The following ITIH2 variants were observed in gnomAD, a reference collection of about 807,000 sequenced individuals.
ITIH2 encodes inter-alpha-trypsin inhibitor heavy chain H2.
ITIH2 carries 103 observed loss-of-function variants against 104.4 expected under a neutral mutation model. That is an observed-to-expected ratio of 0.99 (90% CI 0.84 to 1.16). The LOEUF is 1.16. Ranked by LOEUF, ITIH2 falls within the 50% of genes most tolerant of loss-of-function variation. The pLI is 0.00. For synonymous variants in ITIH2, 436 were observed against 435.4 expected (o/e 1.00, Z -0.02); for missense variants, 1,108 against 1,162.4 (o/e 0.95, Z 0.68).
In ITIH2 at chr10:7,723,523, G is replaced by T. The variant is rs756809874; in HGVS notation, c.940G>T (p.Val314Phe). ...CCCAATTCCCAAAAACATCCTCTTTGTCATCGATGTGAGTGGCTCCATGTG... is the reference window on the plus strand; with the variant it reads ...CCCAATTCCCAAAAACATCCTCTTTTTCATCGATGTGAGTGGCTCCATGTG... ...LDPIPKNILFVIDVSGSMWGV... is the reference protein window; with the variant it reads ...LDPIPKNILFFIDVSGSMWGV... The change falls in exon 9 of 21, where the codon GTC becomes TTC. Residue 314 changes from valine (V) to phenylalanine (F), a missense_variant. Val to Phe is a conservative substitution (Grantham distance 50). Coordinates refer to ENST00000358415, the MANE Select transcript of ITIH2 (RefSeq NM_002216.3). 1.9e-6 allele frequency: 3 copies of T among 1,613,844 alleles called. No homozygotes were observed. The highest frequency in any genetic ancestry group is 2.5e-6 in the Non-Finnish European group (3 of 1,179,904).
chr10:7,725,710 ATTAAG>A (rs1012601928), intron 9 of ITIH2, among the ~76,000 whole-genome samples: 23 of 152,334 alleles, frequency 1.5e-4, no homozygotes, highest in Admixed American at 1.5e-3. Context: ...TGAGATTTCT[ATTAAG>A]TACCCACGTT....
chr10:7,744,481 AC>A (rs986250626), intron 18 of ITIH2, among the ~76,000 whole-genome samples: 5 of 152,150 alleles, frequency 3.3e-5, no homozygotes, highest in East Asian at 1.9e-4. Flanking sequence ...GGGTCCCAGG[AC>A]CTAGTCCAGT....
chr10:7,746,533 G>A (rs1032780703), intron 19 of ITIH2, 60 bp from the exon 20 acceptor site: 8 of 1,142,660 alleles, frequency 7.0e-6, no homozygotes, highest in East Asian at 2.4e-5. Context: ...AGTCAATAAT[G>A]AGCCTCTTTT....
intron 12 of ITIH2, 98 bp downstream of exon 12, chr10:7,730,231 A>AT: frequency 1.1e-6 from 1 of 901,014 alleles, no homozygotes; most frequent in Middle Eastern, 3.0e-4. Context: ...TTAACTCAAA[A>AT]TGGTCATGAT....
chr10:7,731,674 G>A (rs1262966431), intron 12 of ITIH2, 137 bp from the exon 13 acceptor site: 2 of 534,522 alleles, frequency 3.7e-6, no homozygotes, highest in Non-Finnish European at 6.1e-6. Context: ...GCAGTGAGAC[G>A]AGATCCCACC....
chr10:7,747,832 G>C (rs1235072502), intron 20 of ITIH2, among the ~76,000 whole-genome samples: 1 of 152,166 alleles, frequency 6.6e-6, no homozygotes, highest in Non-Finnish European at 1.5e-5. Flanking sequence ...CCAGGAGTTC[G>C]AGGATGAAGT....
Position 7,730,095 on chromosome 10 carries a change from A to G in ITIH2, c.1423A>G (p.Arg475Gly). 1.9e-6 allele frequency: 3 copies of G among 1,610,942 alleles called. No individual in the cohort carries two copies. The highest frequency in any genetic ancestry group is 1.7e-6 in the Non-Finnish European group (2 of 1,179,072). Residue 475 changes from arginine (R) to glycine (G), a missense_variant, in exon 12 of 21, where the codon AGG becomes GGG. Physicochemically the swap from Arg to Gly is moderately radical, Grantham distance 125. Transcript: ENST00000358415. ...CAATGAAAACCATGGAATTGCACAA[A>G]GGATTTATGGAAACCAGGACACGTC... The part of the protein sequence containing the change: ...LSNENHGIAQ[R>G]IYGNQDTSSQ...
chr10:7,721,443 G>A (rs1412015118), intron 7 of ITIH2, among the ~76,000 whole-genome samples: 1 of 152,216 alleles, frequency 6.6e-6, no homozygotes, highest in Non-Finnish European at 1.5e-5. Context: ...AAAAAGGTCT[G>A]AAACCTTGCA....
rs1834865999 is a variant in ITIH2 at position 7,717,866 on chromosome 10, C to G, written c.630+78C>G. 2.9e-6 allele frequency: 4 copies of G among 1,392,730 alleles called. No homozygotes were observed. In the Admixed American group the frequency reaches 7.4e-5, roughly 26 times the overall value. The allele number at this position is 1,392,730 out of a possible 1,614,324, so 86.3% of individuals were successfully genotyped here. ...ACCCTGATTTATACTTTCTGCTTGTCACTAGCACTTGTGGTGTTGGATGCC... is the reference window on the plus strand; with the variant it reads ...ACCCTGATTTATACTTTCTGCTTGTGACTAGCACTTGTGGTGTTGGATGCC... On this transcript the variant is annotated intron_variant, in intron 6 of 20. Coordinates refer to ENST00000358415, the MANE Select transcript of ITIH2 (RefSeq NM_002216.3).
At chr10:7,748,519 T>C (rs971535598) in intron 20 of ITIH2, among the ~76,000 whole-genome samples, 21 of 107,946 alleles carry the variant, frequency 1.9e-4, no homozygotes, top group African/African-American at 7.5e-4. Flanking sequence ...CGCCAATGCA[T>C]TCTTTTTTTT....
chr10:7,746,912 A>G (rs1211092153), intron 20 of ITIH2, among the ~76,000 whole-genome samples: 1 of 28,890 alleles, frequency 3.5e-5, no homozygotes, highest in Non-Finnish European at 1.1e-4. Context: ...ATCTAGGGTC[A>G]TGCAATGCCA....
chr10:7,703,627 G>C (rs1316505841), intron 1 of ITIH2, 109 bp downstream of exon 1: 1 of 705,134 alleles, frequency 1.4e-6, no homozygotes, highest in African/African-American at 1.8e-5. Flanking sequence ...GGAAACTTAA[G>C]ATAAAATTCA....
rs905228136 is a variant in ITIH2, at chr10:7,734,452, T to G, written c.1788-470T>G. The stretch of plus-strand genomic sequence containing the variant: ...GCTCATGCCTGTAATCCCAGCACTT[T>G]GGGAGGCCAAGGCGTGTGGATCGCT... On this transcript the variant is annotated intron_variant, in intron 14 of 20. Transcript: ENST00000358415. Among the ~76,000 whole-genome samples, 8 of 152,334 alleles carry G rather than the reference T, an allele frequency of 5.3e-5. No individual in the cohort carries two copies. The East Asian group carries it at 1.4e-3, about 26-fold the overall frequency.
intron 20 of ITIH2, among the ~76,000 whole-genome samples, chr10:7,748,603 G>A (rs138382312): frequency 4.5e-5 from 6 of 132,110 alleles, no homozygotes; most frequent in East Asian, 4.6e-4. Context: ...GTGCAGTGAC[G>A]TATCTTGGGC....
intron 15 of ITIH2, 98 bp downstream of exon 15, chr10:7,735,189 C>G (rs1212610220): frequency 8.9e-7 from 1 of 1,128,496 alleles, no homozygotes; most frequent in Non-Finnish European, 1.2e-6. Context: ...CCCCAGCCCA[C>G]CTCTTGCTCC....
intron 16 of ITIH2, 75 bp downstream of exon 16, chr10:7,738,833 C>G: frequency 6.9e-7 from 1 of 1,445,378 alleles, no homozygotes; most frequent in Non-Finnish European, 9.2e-7. Flanking sequence ...GTGCATGAGG[C>G]CAGGTGCAGC....
intron 20 of ITIH2, among the ~76,000 whole-genome samples, chr10:7,748,686 C>T (rs188895829): frequency 2.6e-5 from 4 of 151,222 alleles, no homozygotes; most frequent in East Asian, 1.9e-4. Context: ...GGACTACAGG[C>T]GTACACCACC....
In ITIH2 at chr10:7,745,676, T is replaced by C. The variant is rs139250685; in HGVS notation, c.2581+713T>C. Among the ~76,000 whole-genome samples, 880 of 151,890 alleles carry C rather than the reference T, an allele frequency of 5.8e-3. 6 individuals are homozygous for C. The highest frequency in any genetic ancestry group is 0.016 in the South Asian group (79 of 4,804). ...AGGTGGGATCTCTTGAGCCCCGGAA[T>C]TGGAGGCTGCAGTGAGCTATGACTG... On this transcript the variant is annotated intron_variant, in intron 19 of 20. Transcript: ENST00000358415.
chr10:7,747,237 C>T (rs542475358), intron 20 of ITIH2, among the ~76,000 whole-genome samples: 25 of 152,298 alleles, frequency 1.6e-4, no homozygotes, highest in African/African-American at 5.8e-4. Flanking sequence ...CAGTCCTTTA[C>T]AGTTGTCTCA....
Sources: allele counts gnomAD v4.1 joint callset (sites outside exome capture counted in the v4.1 genomes callset), GRCh38; gene constraint gnomAD v4.1.1; transcripts MANE v1.5; gene names NCBI Gene and HGNC (gene_info 2026-07-23, HGNC 2026-07-21).